SS18: variants seen among roughly 807,000 people sequenced by gnomAD.
SS18 encodes SS18 subunit of BAF chromatin remodeling complex.
A neutral mutation model predicts 72.5 loss-of-function variants in SS18; 28 were observed. That is an observed-to-expected ratio of 0.39 (90% confidence interval 0.29 to 0.53). The LOEUF (loss-of-function observed/expected upper bound fraction) is 0.53, where lower values mean the gene tolerates loss of function less well. Ranked by LOEUF, SS18 falls within the 20% of genes least tolerant of loss-of-function variation. SS18 has a pLI of 0.76. For missense variants in SS18, 518 were observed against 535.3 expected, an observed-to-expected ratio of 0.97 and a Z score of 0.32; for synonymous variants, 172 against 164.2, an observed-to-expected ratio of 1.05 and a Z score of -0.37.
chr18:26,046,234 A>C (rs2053821615), intron 5 of SS18, among the ~76,000 whole-genome samples: 1 of 141,822 alleles, frequency 7.1e-6, no homozygotes. Flanking sequence ...AAAAGGAAAA[A>C]AAAAGAAACA....
chr18:26,065,088 G>T (rs1037114076), intron 3 of SS18, among the ~76,000 whole-genome samples: 1 of 152,088 alleles, frequency 6.6e-6, no homozygotes, highest in Admixed American at 6.5e-5. Context: ...TTCACAAAAT[G>T]GAAGGATATG....
chr18:26,060,895 G>A (rs1344570605), intron 3 of SS18, among the ~76,000 whole-genome samples: 5 of 150,548 alleles, frequency 3.3e-5, no homozygotes, highest in Non-Finnish European at 5.9e-5. Context: ...GGTGGAGGCT[G>A]CAGTGAGCTG....
At chr18:26,073,333 A>C (rs1392305678) in intron 3 of SS18, among the ~76,000 whole-genome samples, 1 of 152,238 alleles carries the variant, frequency 6.6e-6, no homozygotes, top group African/African-American at 2.4e-5. Context: ...GTCCATTTTA[A>C]ATGCATCCTT....
chr18:26,090,548 G>A lies in SS18; in HGVS notation c.22C>T (p.Pro8Ser). The A allele has an allele frequency of 6.3e-7, 1 of 1,588,448 alleles. No homozygotes were observed. The highest frequency in any genetic ancestry group is 8.6e-7 in the Non-Finnish European group (1 of 1,168,210). The change falls in exon 1 of 11, where the codon CCG becomes TCG. Residue 8 changes from proline (P) to serine (S), a missense_variant. Transcript: ENST00000415083. ...ATCTCCCCCTTGCCTCGCTGCCTCG[G>A]GGCCGCGAAAGCCACAGACATGTTG... MSVAFAA[P>S]RQRGKGEITP...
chr18:26,090,684 G>T, upstream of SS18: 4 of 1,116,160 alleles, frequency 3.6e-6, no homozygotes, highest in Non-Finnish European at 3.9e-6. Context: ...GAGGGGGGAT[G>T]CTCCGGGGCC....
chr18:26,037,152 T>C (rs770092713), intron 7 of SS18, among the ~76,000 whole-genome samples: 3 of 152,016 alleles, frequency 2.0e-5, no homozygotes, highest in African/African-American at 7.2e-5. Context: ...TATACACCTA[T>C]GCAAAAATGA....
intron 10 of SS18, among the ~76,000 whole-genome samples, chr18:26,027,496 TAAAA>T (rs1194478022): frequency 1.3e-5 from 2 of 150,700 alleles, no homozygotes; most frequent in Non-Finnish European, 3.0e-5. Context: ...AAAATACAAA[TAAAA>T]ATAAATAAAT....
chr18:26,089,693 C>G (rs2054680269), intron 1 of SS18: 1 of 152,222 alleles, frequency 6.6e-6, no homozygotes. Flanking sequence ...AGTAACACAG[C>G]AGCGACTGCA....
chr18:26,084,474 A>G (rs143300178), intron 2 of SS18, among the ~76,000 whole-genome samples: 17 of 152,314 alleles, frequency 1.1e-4, no homozygotes, highest in Non-Finnish European at 2.4e-4. Flanking sequence ...AAGGTATTAG[A>G]TACATATGAA....
chr18:26,080,696 C>G (rs1186062525), intron 2 of SS18, among the ~76,000 whole-genome samples: 1 of 152,156 alleles, frequency 6.6e-6, no homozygotes, highest in Admixed American at 6.5e-5. Flanking sequence ...AGAAAAGTTT[C>G]AATAGCAAAG....
At chr18:26,028,533 A>G (rs1011167580) in intron 10 of SS18, among the ~76,000 whole-genome samples, 2 of 152,210 alleles carry the variant, frequency 1.3e-5, no homozygotes, top group African/African-American at 2.4e-5. Flanking sequence ...TGTAAACCCA[A>G]ATGTCCCATC....
chr18:26,090,676 G>A (rs1245150715), upstream of SS18: 3 of 1,187,894 alleles, frequency 2.5e-6, no homozygotes, highest in Admixed American at 2.1e-5. Context: ...AATGCGGGGA[G>A]GGGGGATGCT....
At chr18:26,018,493 TACAATAA>T in intron 10 of SS18, 113 bp from the exon 11 acceptor site, 1 of 742,774 alleles carries the variant, frequency 1.3e-6, no homozygotes, top group East Asian at 2.8e-5. Flanking sequence ...CAGCCGTACC[TACAATAA>T]ACAAAATTTT....
Position 26,078,835 on chromosome 18 carries a change from C to T in SS18, c.147-675G>A, listed in dbSNP as rs1050160339. Among the ~76,000 whole-genome samples, 3 of 152,026 alleles carry T rather than the reference C, an allele frequency of 2.0e-5. No individual in the cohort carries two copies. The East Asian group carries it at 5.8e-4, about 29-fold the overall frequency. On this transcript the variant is annotated intron_variant, in intron 2 of 10. Transcript: ENST00000415083. ...CCAGGAGGCAAAGGTTGCAGTGAGC[C>T]GAGATCATGCCACTGCACTCCAGCC...
intron 3 of SS18, among the ~76,000 whole-genome samples, chr18:26,069,142 C>T (rs1269032440): frequency 6.6e-6 from 1 of 152,098 alleles, no homozygotes; most frequent in Non-Finnish European, 1.5e-5. Flanking sequence ...AATCTAATGC[C>T]CCTTTCCATT....
At chr18:26,088,617 A>C (rs2054657957) in intron 1 of SS18, among the ~76,000 whole-genome samples, 1 of 152,190 alleles carries the variant, frequency 6.6e-6, no homozygotes, top group Admixed American at 6.5e-5. Context: ...GAGCTGAAGA[A>C]AGAGTACTGA....
Position 26,017,128 on chromosome 18 carries a change from T to A in SS18, c.*1226A>T, listed in dbSNP as rs1244892938. ...TCAGGCACAGGACAGTCTCAAATAA[T>A]GATTAAAATATGCCATGCTAATAAA... On this transcript the variant is annotated 3_prime_UTR_variant, in exon 11 of 11. Transcript: ENST00000415083. 4.7e-6 allele frequency: 1 copy of A among 214,252 alleles called. No homozygotes were observed. The highest frequency in any genetic ancestry group is 9.4e-6 in the Non-Finnish European group (1 of 106,322). 13.3% of individuals were successfully genotyped at this position (214,252 alleles called of 1,614,324 possible).
rs572531444 is a variant in SS18 at position 26,036,101 on chromosome 18, C to A, written c.881-178G>T. On this transcript the variant is annotated intron_variant, in intron 7 of 10. Coordinates refer to ENST00000415083, the MANE Select transcript of SS18 (RefSeq NM_001007559.3). ...TGTGATTGTTTTCATATTGAGATAACGTGCAAATTTTTTTAAAAGCAAAAA... is the reference window on the plus strand; with the variant it reads ...TGTGATTGTTTTCATATTGAGATAAAGTGCAAATTTTTTTAAAAGCAAAAA... Among the ~76,000 whole-genome samples, 4 of 151,860 alleles carry A rather than the reference C, an allele frequency of 2.6e-5. No individual in the cohort carries two copies. The East Asian group carries it at 7.7e-4, about 29-fold the overall frequency.
intron 3 of SS18, among the ~76,000 whole-genome samples, chr18:26,069,490 A>ATTT (rs1237113943): frequency 6.7e-6 from 1 of 148,674 alleles, no homozygotes; most frequent in Admixed American, 6.7e-5. Context: ...CAGGTCTGCC[A>ATTT]CAAAGACCTA....
Sources: gnomAD v4.1 joint callset for allele counts (sites outside exome capture counted in the v4.1 genomes callset) on GRCh38, gnomAD v4.1.1 for gene constraint, MANE v1.5 for transcripts, NCBI Gene and HGNC (gene_info 2026-07-23, HGNC 2026-07-21) for gene names.